Variants in FRA10AC1 observed in about 807,000 individuals in gnomAD.
FRA10AC1 encodes protein FRA10AC1.
A neutral mutation model predicts 56.5 loss-of-function variants in FRA10AC1; 43 were observed. That is an observed-to-expected ratio of 0.76 (90% CI 0.60 to 0.98). The LOEUF (loss-of-function observed/expected upper bound fraction) is 0.98. Ranked by LOEUF, FRA10AC1 falls within the 50% of genes least tolerant of loss-of-function variation. The pLI, the probability that FRA10AC1 is intolerant of heterozygous loss-of-function variation, is 0.00. For missense variants in FRA10AC1, 346 were observed against 351.8 expected, an observed-to-expected ratio of 0.98 and a Z score of 0.13; for synonymous variants, 112 against 110.5, an observed-to-expected ratio of 1.01 and a Z score of -0.09.
At chr10:93,695,033 CTATT>C in intron 4 of FRA10AC1, 96 bp from the exon 5 acceptor site, 1 of 694,450 alleles carries the variant, frequency 1.4e-6, no homozygotes, top group Non-Finnish European at 2.6e-6. Context: ...CAATATGAGT[CTATT>C]TAGCTTTTTA....
intron 12 of FRA10AC1, chr10:93,672,499 T>G (rs1589712714): frequency 6.5e-6 from 1 of 154,500 alleles, no homozygotes; most frequent in East Asian, 1.9e-4. Flanking sequence ...GAAAAATTAA[T>G]TAGGCCTAGC....
chr10:93,669,691 C>A lies in FRA10AC1; in HGVS notation c.*135G>T. The A allele has an allele frequency of 3.1e-6, 2 of 644,930 alleles. No homozygotes were observed. The highest frequency in any genetic ancestry group is 5.5e-6 in the Non-Finnish European group (2 of 366,110). 40.0% of individuals were successfully genotyped at this position (644,930 alleles called of 1,614,324 possible). On this transcript the variant is annotated 3_prime_UTR_variant, in exon 14 of 14. Transcript: ENST00000359204. ...AAAGCCTCTGACATTCTGAGAGAAC[C>A]TGGATTTTTATTTCCAAAGACAAAC...
chr10:93,685,747 C>G (rs1419741463), intron 8 of FRA10AC1, among the ~76,000 whole-genome samples: 1 of 148,462 alleles, frequency 6.7e-6, no homozygotes, highest in Non-Finnish European at 1.5e-5. Context: ...CAAAAAAAAA[C>G]GCACTTTCCA....
Position 93,668,276 on chromosome 10 carries a change from ATCT to A in FRA10AC1, c.*1547_*1549del, listed in dbSNP as rs1164928628. Reference sequence around the variant, plus strand: ...CTTTCTCTTATTCATCAAGTCAAGCATCTTCTCCTATATCTATCCATCTATTTG... The same window carrying A: ...CTTTCTCTTATTCATCAAGTCAAGCATCTCCTATATCTATCCATCTATTTG... On this transcript the variant is annotated 3_prime_UTR_variant, in exon 14 of 14. Transcript: ENST00000359204. The A allele has an allele frequency of 6.6e-6, 1 of 152,200 alleles. No homozygotes were observed. The highest frequency in any genetic ancestry group is 1.5e-5 in the Non-Finnish European group (1 of 68,036). 9.4% of individuals were successfully genotyped at this position (152,200 alleles called of 1,614,324 possible). A position where few individuals can be genotyped will look rare whatever the true frequency, so the allele number is the denominator to read the frequency against.
Position 93,700,081 on chromosome 10 carries a change from G to A in FRA10AC1, c.26C>T (p.Ser9Phe). 1 of 1,601,846 alleles carries A rather than the reference G, an allele frequency of 6.2e-7. No individual in the cohort carries two copies. Among genetic ancestry groups the A allele is most frequent in the Non-Finnish European group, 8.5e-7 (1 of 1,170,764 alleles). ...ACAGCGTTCATCATCACTAAAATCA[G>A]AATCATAGCCTCCATGACCATGCAT... MHGHGGYDSDFSDDERCGE... is the reference protein window; with the variant it reads MHGHGGYDFDFSDDERCGE... Residue 9 changes from serine to phenylalanine, a missense_variant, in exon 2 of 14, where the codon TCT becomes TTT. Physicochemically the swap from Ser to Phe is radical, Grantham distance 155 (BLOSUM62 -2). Coordinates refer to ENST00000359204, the MANE Select transcript of FRA10AC1 (RefSeq NM_145246.5).
intron 11 of FRA10AC1, among the ~76,000 whole-genome samples, chr10:93,677,511 A>G (rs1349542928): frequency 1.3e-5 from 2 of 152,208 alleles, no homozygotes; most frequent in Admixed American, 6.5e-5. Flanking sequence ...CCAAAGGTCC[A>G]TAGGTAAAAA....
At chr10:93,683,233 C>T (rs929177117) in intron 10 of FRA10AC1, among the ~76,000 whole-genome samples, 19 of 152,268 alleles carry the variant, frequency 1.2e-4, no homozygotes, top group African/African-American at 3.1e-4. Flanking sequence ...GCCTAGTAAG[C>T]GGAGAAGCTG....
At chr10:93,682,070 T>C (rs890690627) in intron 10 of FRA10AC1, among the ~76,000 whole-genome samples, 2 of 152,126 alleles carry the variant, frequency 1.3e-5, no homozygotes, top group African/African-American at 4.8e-5. Context: ...AGAAGCATAA[T>C]GGAATGAAAA....
At chr10:93,672,145 A>C (rs1375044171) in intron 12 of FRA10AC1, 1 of 409,514 alleles carries the variant, frequency 2.4e-6, no homozygotes, top group Non-Finnish European at 4.7e-6. Flanking sequence ...CTTTAGTTAA[A>C]CACAACATAA....
At position 93,694,849 on chromosome 10, in the gene FRA10AC1, C is replaced by CCTG. The variant is rs1365810869; in HGVS notation, c.296+9_296+11dup. On this transcript the variant is annotated intron_variant, in intron 5 of 13. Coordinates refer to ENST00000359204, the MANE Select transcript of FRA10AC1 (RefSeq NM_145246.5). Reference sequence around the variant, plus strand: ...CCCACATTCCCTTCTATGTAAACTTCCTGATACTTACCCCAAACGCTTGAA... The same window carrying CCTG: ...CCCACATTCCCTTCTATGTAAACTTCCTGCTGATACTTACCCCAAACGCTTGAA... 1.3e-6 allele frequency: 2 copies of CCTG among 1,524,436 alleles called. No individual in the cohort carries two copies. Among genetic ancestry groups the CCTG allele is most frequent in the African/African-American group, 2.7e-5 (2 of 73,344 alleles). The allele number at this position is 1,524,436 out of a possible 1,614,324, so 94.4% of individuals were successfully genotyped here.
chr10:93,695,111 G>T (rs917939066), intron 4 of FRA10AC1, among the ~76,000 whole-genome samples, 174 bp from the exon 5 acceptor site: 2 of 151,970 alleles, frequency 1.3e-5, no homozygotes, highest in African/African-American at 4.8e-5. Context: ...ATATTAAATT[G>T]TTGAAAGTGA....
Position 93,702,582 on chromosome 10 carries a change from G to T in FRA10AC1, c.-208C>A. On this transcript the variant is annotated 5_prime_UTR_variant, in exon 1 of 14. Transcript: ENST00000359204. ...GCCTCTCCCTACGGGTCCCGACTGGGCACCACTTCCGGTCCGACACGGCCA... is the reference window on the plus strand; with the variant it reads ...GCCTCTCCCTACGGGTCCCGACTGGTCACCACTTCCGGTCCGACACGGCCA... The T allele has an allele frequency of 4.4e-6, 1 of 224,790 alleles. No homozygotes were observed. Among genetic ancestry groups the T allele is most frequent in the Non-Finnish European group, 8.7e-6 (1 of 114,512 alleles). The allele number at this position is 224,790 out of a possible 1,614,324, so 13.9% of individuals were successfully genotyped here. A position where few individuals can be genotyped will look rare whatever the true frequency, so the allele number is the denominator to read the frequency against.
At chr10:93,673,223 C>A (rs779277808) in intron 12 of FRA10AC1, 12 of 416,132 alleles carry the variant, frequency 2.9e-5, no homozygotes, top group Non-Finnish European at 4.7e-5. Flanking sequence ...TTGGGCAGTT[C>A]TGCCAACCCA....
upstream of FRA10AC1, among the ~76,000 whole-genome samples, chr10:93,702,748 C>T (rs2059366172): frequency 6.6e-6 from 1 of 151,982 alleles, no homozygotes; most frequent in South Asian, 2.1e-4. Context: ...GTCGCGGCTC[C>T]CAGTTTTTCC....
intron 9 of FRA10AC1, among the ~76,000 whole-genome samples, 176 bp from the exon 10 acceptor site, chr10:93,684,274 T>A (rs918492912): frequency 6.6e-6 from 1 of 152,112 alleles, no homozygotes; most frequent in Non-Finnish European, 1.5e-5. Flanking sequence ...TATACACACA[T>A]ACATATAATA....
chr10:93,681,519 A>G lies in FRA10AC1; in HGVS notation c.748T>C (p.Leu250=). ...CEESSHKKSR[L]SSAEEASKKK... The stretch of plus-strand genomic sequence containing the variant: ...TTGGAGGCCTCTTCTGCAGAAGATA[A>G]TCTGGATTTTTTATGTGATGACTCT... The change falls in exon 11 of 14, where the codon TTA becomes CTA. Residue 250 remains leucine (L), a synonymous_variant. Transcript: ENST00000359204. The G allele has an allele frequency of 6.3e-7, 1 of 1,579,678 alleles. No homozygotes were observed. Among genetic ancestry groups the G allele is most frequent in the Non-Finnish European group, 8.6e-7 (1 of 1,168,158 alleles).
At chr10:93,678,917 T>C (rs1199831116) in intron 11 of FRA10AC1, among the ~76,000 whole-genome samples, 1 of 151,698 alleles carries the variant, frequency 6.6e-6, no homozygotes, top group Non-Finnish European at 1.5e-5. Flanking sequence ...AAGGAAGTTG[T>C]CAACAGTCCA....
intron 12 of FRA10AC1, chr10:93,674,687 G>A (rs955001264): frequency 1.3e-5 from 2 of 152,150 alleles, no homozygotes; most frequent in African/African-American, 2.4e-5. Flanking sequence ...TAGGAAGCAG[G>A]GAAGGATTCA....
intron 12 of FRA10AC1, chr10:93,673,232 CAG>C: frequency 2.3e-6 from 1 of 433,738 alleles, no homozygotes; most frequent in Non-Finnish European, 4.6e-6. Flanking sequence ...TCTGCCAACC[CAG>C]AGTCATAAAA....
Sources: allele counts gnomAD v4.1 joint callset (sites outside exome capture counted in the v4.1 genomes callset), GRCh38; gene constraint gnomAD v4.1.1; transcripts MANE v1.5; gene names NCBI Gene and HGNC (gene_info 2026-07-23, HGNC 2026-07-21).